The following SYNGR4 variants were observed in gnomAD, a reference collection of about 807,000 sequenced individuals.
SYNGR4 encodes synaptogyrin 4.
SYNGR4 carries 15 observed loss-of-function variants against 15.5 expected under a neutral mutation model. The ratio of observed to expected loss-of-function variants is 0.97; its 90% CI spans 0.65 to 1.49. SYNGR4 has a LOEUF of 1.49. SYNGR4 is among the 40% of genes most tolerant of loss of function. The pLI, the probability that SYNGR4 is intolerant of heterozygous loss-of-function variation, is 0.00. For synonymous variants in SYNGR4, 121 were observed against 127.4 expected (o/e 0.95, Z 0.34); for missense variants, 292 against 299.3 (o/e 0.98, Z 0.18).
chr19:48,373,407 T>C (rs1970341364), intron 2 of SYNGR4, 110 bp from the exon 3 acceptor site: 5 of 914,980 alleles, frequency 5.5e-6, no homozygotes, highest in Non-Finnish European at 8.7e-6. Context: ...GAGGGAGAGG[T>C]CCAGACGGAC....
At position 48,376,259 on chromosome 19, in the gene SYNGR4, C is replaced by CT. The variant is rs752406970; in HGVS notation, c.647dup (p.Ser217ValfsTer17). 21 of 1,613,902 alleles carry CT rather than the reference C, an allele frequency of 1.3e-5. No homozygotes were observed. The Admixed American group carries it at 1.5e-4, about 12-fold the overall frequency. On this transcript the variant is annotated frameshift_variant, in exon 5 of 5. Transcript: ENST00000344846. LOFTEE classifies it high-confidence loss of function. Reference sequence around the variant, plus strand: ...CAGCCTGAGTTATGCTAGCTCTGCCCTGTCCCCCTGTCTGACCGCTCCAAA... The same window carrying CT: ...CAGCCTGAGTTATGCTAGCTCTGCCCTTGTCCCCCTGTCTGACCGCTCCAAA...
At chr19:48,375,778 C>G (rs1407007088) in intron 4 of SYNGR4, 26 bp downstream of exon 4, 1 of 1,604,172 alleles carries the variant, frequency 6.2e-7, no homozygotes, top group Non-Finnish European at 8.5e-7. Flanking sequence ...TCCACCACCC[C>G]TCCCTAGGAG....
intron 2 of SYNGR4, among the ~76,000 whole-genome samples, chr19:48,370,761 T>G (rs1399525873): frequency 6.6e-6 from 1 of 152,136 alleles, no homozygotes; most frequent in African/African-American, 2.4e-5. Context: ...TCCCTTAGCC[T>G]ACCCCCGCCA....
intron 3 of SYNGR4, among the ~76,000 whole-genome samples, chr19:48,375,088 C>G (rs1174501871): frequency 1.4e-5 from 2 of 147,060 alleles, no homozygotes; most frequent in Non-Finnish European, 3.0e-5. Flanking sequence ...TGCAGAGGCG[C>G]AATATCAGCT....
intron 3 of SYNGR4, among the ~76,000 whole-genome samples, chr19:48,374,333 C>T (rs899630468): frequency 3.3e-5 from 5 of 152,182 alleles, no homozygotes; most frequent in Non-Finnish European, 7.3e-5. Flanking sequence ...CCCACCTCTG[C>T]CTCCCAAAGT....
At chr19:48,371,988 T>C (rs1600945327) in intron 2 of SYNGR4, among the ~76,000 whole-genome samples, 1 of 152,132 alleles carries the variant, frequency 6.6e-6, no homozygotes, top group South Asian at 2.1e-4. Flanking sequence ...CAAGTGATCC[T>C]CCTGCCTCAG....
At position 48,373,729 on chromosome 19, in the gene SYNGR4, C is replaced by T. The variant is rs1355258249; in HGVS notation, c.306C>T (p.Phe102=). ...RIAGTRFKTA[F]QLLDFILAVL... ...CCGGCACCCGCTTCAAGACAGCCTT[C>T]CAGCTCCTGGACTTCATCCTGGCTG... Residue 102 remains phenylalanine (F), a synonymous_variant, in exon 3 of 5, where the codon TTC becomes TTT. Coordinates refer to ENST00000344846, the MANE Select transcript of SYNGR4 (RefSeq NM_012451.4). 1 of 1,613,932 alleles carries T rather than the reference C, an allele frequency of 6.2e-7. No individual in the cohort carries two copies. Among genetic ancestry groups the T allele is most frequent in the Non-Finnish European group, 8.5e-7 (1 of 1,180,026 alleles).
Position 48,365,411 on chromosome 19 carries a change from A to T in SYNGR4, c.-107-325A>T, listed in dbSNP as rs191962382. Among the ~76,000 whole-genome samples, 75 of 9,180 alleles carry T rather than the reference A, an allele frequency of 8.2e-3. 4 individuals are homozygous for T. Among genetic ancestry groups the T allele is most frequent in the South Asian group, 8.4e-3 (2 of 238 alleles). 6.0% of individuals were successfully genotyped at this position (9,180 alleles called of 152,430 possible). On this transcript the variant is annotated intron_variant, in intron 1 of 4. Transcript: ENST00000344846. Reference sequence around the variant, plus strand: ...TTCTGGGACCCCTAGTAGCCCCCTCACCACACAACCCCATTCCTGGGACCC... The same window carrying T: ...TTCTGGGACCCCTAGTAGCCCCCTCTCCACACAACCCCATTCCTGGGACCC...
At chr19:48,373,186 C>A (rs1020586853) in intron 2 of SYNGR4, 15 of 322,190 alleles carry the variant, frequency 4.7e-5, no homozygotes, top group Admixed American at 1.6e-4. Flanking sequence ...CACTGGGGAG[C>A]CATGAGGGGC....
Position 48,373,583 on chromosome 19 carries a change from C to A in SYNGR4, c.160C>A (p.Gln54Lys). Residue 54 changes from glutamine (Q) to lysine (K), a missense_variant, in exon 3 of 5, where the codon CAG (glutamine) becomes AAG (lysine). Physicochemically the swap from Gln to Lys is moderately conservative, Grantham distance 53. Transcript: ENST00000344846. ...DGYQNKMESP[Q>K]LHCILNSNSV... is the part of the protein sequence containing the mutation. ...CTACCAGAACAAGATGGAGTCTCCG[C>A]AGCTCCACTGCATTCTCAACAGCAA... 1 of 1,613,870 alleles carries A rather than the reference C, an allele frequency of 6.2e-7. No homozygotes were observed. The highest frequency in any genetic ancestry group is 8.5e-7 in the Non-Finnish European group (1 of 1,180,030).
chr19:48,364,823 G>T (rs553468913), intron 1 of SYNGR4, among the ~76,000 whole-genome samples: 2 of 151,984 alleles, frequency 1.3e-5, no homozygotes, highest in South Asian at 2.1e-4. Flanking sequence ...TCCCCAGAAA[G>T]TCCCACCTGT....
At chr19:48,365,042 GAAT>G (rs1970171070) in intron 1 of SYNGR4, among the ~76,000 whole-genome samples, 1 of 145,360 alleles carries the variant, frequency 6.9e-6, no homozygotes. Context: ...GGGACCCCCA[GAAT>G]CACCCTCACC....
At chr19:48,376,063 G>T in intron 4 of SYNGR4, 22 bp from the exon 5 acceptor site, 2 of 1,614,094 alleles carry the variant, frequency 1.2e-6, no homozygotes, top group Non-Finnish European at 1.7e-6. Context: ...TCAGCCTTCA[G>T]CACGCGCTTT....
Position 48,376,100 on chromosome 19 carries a change from C to A in SYNGR4, c.487C>A (p.Leu163Met). 6.2e-7 allele frequency: 1 copy of A among 1,614,160 alleles called. No homozygotes were observed. The highest frequency in any genetic ancestry group is 8.5e-7 in the Non-Finnish European group (1 of 1,180,020). ...CTGCCCACAGATATTCCAGGCCTACCTGGCATTCCAGGACCTCCGAAATGA... is the reference window on the plus strand; with the variant it reads ...CTGCCCACAGATATTCCAGGCCTACATGGCATTCCAGGACCTCCGAAATGA... ...SILVWIFQAY[L>M]AFQDLRNDAP... Residue 163 changes from leucine to methionine, a missense_variant, in exon 5 of 5, where the codon CTG (leucine) becomes ATG (methionine). Transcript: ENST00000344846.
At chr19:48,374,444 G>A (rs1054766312) in intron 3 of SYNGR4, among the ~76,000 whole-genome samples, 10 of 152,112 alleles carry the variant, frequency 6.6e-5, no homozygotes, top group East Asian at 1.9e-4. Context: ...AGCACAAAAT[G>A]TGTGTCCTTC....
chr19:48,375,854 G>T (rs989153435), intron 4 of SYNGR4, 102 bp downstream of exon 4: 2 of 1,540,160 alleles, frequency 1.3e-6, no homozygotes, highest in Non-Finnish European at 1.7e-6. Context: ...CTCCCCTGGG[G>T]GTCAGGGGTC....
chr19:48,367,439 A>G (rs2147402240), intron 2 of SYNGR4, among the ~76,000 whole-genome samples: 1 of 152,210 alleles, frequency 6.6e-6, no homozygotes, highest in East Asian at 1.9e-4. Flanking sequence ...TTTAAAAAAA[A>G]AAAAAAATTA....
intron 2 of SYNGR4, among the ~76,000 whole-genome samples, chr19:48,372,483 A>C (rs989706320): frequency 2.7e-5 from 4 of 150,884 alleles, no homozygotes; most frequent in African/African-American, 9.9e-5. Context: ...GTCTCTACTA[A>C]AAATACAAAA....
chr19:48,375,527 C>T, intron 3 of SYNGR4, 86 bp from the exon 4 acceptor site: 1 of 1,517,466 alleles, frequency 6.6e-7, no homozygotes, highest in South Asian at 1.3e-5. Flanking sequence ...TGCAGCAAGA[C>T]CACCAGCCCC....
Sources: allele counts gnomAD v4.1 joint callset (sites outside exome capture counted in the v4.1 genomes callset), GRCh38; gene constraint gnomAD v4.1.1; transcripts MANE v1.5; gene names NCBI Gene and HGNC (gene_info 2026-07-23, HGNC 2026-07-21).